Variants in WDR59 observed in about 807,000 individuals in gnomAD.
WDR59 encodes WD repeat domain 59.
In WDR59, 100 loss-of-function variants were observed where a neutral mutation model predicts 131.2. The ratio of observed to expected loss-of-function variants is 0.76; its 90% confidence interval spans 0.65 to 0.90. WDR59 has a LOEUF of 0.90. WDR59 is among the 40% of genes least tolerant of loss of function. The pLI is 0.00. For synonymous variants in WDR59, 601 were observed against 466.2 expected, an observed-to-expected ratio of 1.29 and a Z score of -3.72; for missense variants, 1,203 against 1,262.2, an observed-to-expected ratio of 0.95 and a Z score of 0.71.
intron 8 of WDR59, among the ~76,000 whole-genome samples, chr16:74,932,463 AC>A (rs2031473255): frequency 6.7e-6 from 1 of 148,586 alleles, no homozygotes; most frequent in African/African-American, 2.5e-5. Flanking sequence ...ACACACACAC[AC>A]ACAACTATCC....
chr16:74,970,246 CTA>C (rs1017560817), intron 1 of WDR59, among the ~76,000 whole-genome samples: 3 of 152,016 alleles, frequency 2.0e-5, no homozygotes, highest in African/African-American at 7.2e-5. Context: ...TTCCATTGGT[CTA>C]TATGTCTAGT....
At chr16:74,876,821 C>A (rs186773103) in intron 25 of WDR59, among the ~76,000 whole-genome samples, 1 of 152,116 alleles carries the variant, frequency 6.6e-6, no homozygotes, top group African/African-American at 2.4e-5. Context: ...CTTGCTGGTG[C>A]GTGCTTCCTC....
intron 1 of WDR59, among the ~76,000 whole-genome samples, chr16:74,971,751 TC>T (rs2033993465): frequency 6.6e-6 from 1 of 152,122 alleles, no homozygotes; most frequent in South Asian, 2.1e-4. Flanking sequence ...AGTGTCTCAC[TC>T]TGTCGCCAAG....
chr16:74,969,450 T>A (rs1481616377), intron 1 of WDR59, among the ~76,000 whole-genome samples: 1 of 152,018 alleles, frequency 6.6e-6, no homozygotes, highest in East Asian at 1.9e-4. Context: ...TTTTTTTATT[T>A]TTAGTAGAGA....
intron 1 of WDR59, among the ~76,000 whole-genome samples, chr16:74,968,353 A>T (rs1485733524): frequency 6.6e-6 from 1 of 152,240 alleles, no homozygotes; most frequent in Non-Finnish European, 1.5e-5. Context: ...GACCTGAGAC[A>T]GCATGTAGGA....
intron 1 of WDR59, among the ~76,000 whole-genome samples, chr16:74,975,099 AC>A (rs1388552057): frequency 6.6e-6 from 1 of 152,182 alleles, no homozygotes; most frequent in Non-Finnish European, 1.5e-5. Context: ...AGAGGCTCAC[AC>A]CTGTAATCCC....
chr16:74,937,084 T>A (rs2031858442), intron 8 of WDR59, among the ~76,000 whole-genome samples: 1 of 152,158 alleles, frequency 6.6e-6, no homozygotes, highest in Non-Finnish European at 1.5e-5. Context: ...ATTTCTGTGG[T>A]CAAACCCCTG....
chr16:74,954,317 A>T (rs2033171139), intron 3 of WDR59, among the ~76,000 whole-genome samples: 1 of 152,066 alleles, frequency 6.6e-6, no homozygotes, highest in South Asian at 2.1e-4. Context: ...CTGAGGCAGG[A>T]GAATCGCTTG....
intron 3 of WDR59, 56 bp from the exon 4 acceptor site, chr16:74,951,599 C>A: frequency 6.7e-7 from 1 of 1,481,902 alleles, no homozygotes; most frequent in East Asian, 2.4e-5. Flanking sequence ...ATGGTCTTGC[C>A]CCAATCAGCT....
At chr16:74,885,475 A>T (rs113367923) in intron 25 of WDR59, among the ~76,000 whole-genome samples, 178 bp downstream of exon 25, 2,315 of 148,580 alleles carry the variant, frequency 0.016, 55 homozygotes, top group African/African-American at 0.052. Context: ...AAAAAAAAAA[A>T]TTCATCCTGT....
intron 18 of WDR59, 178 bp from the exon 19 acceptor site, chr16:74,893,990 T>C: frequency 1.5e-6 from 1 of 682,124 alleles, no homozygotes; most frequent in East Asian, 2.8e-5. Context: ...GTTCCAAAAA[T>C]CCTAACAGGA....
At chr16:74,937,926 C>T (rs1489695011) in intron 8 of WDR59, among the ~76,000 whole-genome samples, 1 of 152,250 alleles carries the variant, frequency 6.6e-6, no homozygotes, top group Admixed American at 6.5e-5. Context: ...ACTCTGCCAT[C>T]ATAACACAAT....
Position 74,917,731 on chromosome 16 carries a change from C to T in WDR59, c.966+198G>A, listed in dbSNP as rs1426685986. 2.7e-5 allele frequency among the ~76,000 whole-genome samples: 4 copies of T among 149,202 alleles called. No homozygotes were observed. In the East Asian group the frequency reaches 7.9e-4, roughly 30 times the overall value. ...GGCTGACGCAGGAGAATCGCTTGAACCCGGGAGGCAGAGGTTGCAGTGAGC... is the reference window on the plus strand; with the variant it reads ...GGCTGACGCAGGAGAATCGCTTGAATCCGGGAGGCAGAGGTTGCAGTGAGC... On this transcript the variant is annotated intron_variant, in intron 11 of 25. Transcript: ENST00000262144.
At chr16:74,982,161 T>C (rs2034454155) in intron 1 of WDR59, among the ~76,000 whole-genome samples, 1 of 150,824 alleles carries the variant, frequency 6.6e-6, no homozygotes, top group Non-Finnish European at 1.5e-5. Context: ...AAAATTATTA[T>C]TTAAAAGATG....
At position 74,871,941 on chromosome 16, in the gene WDR59, A is replaced by C. The variant is rs1964018292; in HGVS notation, c.*2268T>G. The stretch of plus-strand genomic sequence containing the variant: ...GCACAGGATCTCAGTTCTTTCTTAC[A>C]TCCTGAAGTTTTGTGCCCAGTAACA... On this transcript the variant is annotated 3_prime_UTR_variant, in exon 26 of 26. Transcript: ENST00000262144. The C allele has an allele frequency of 6.6e-6, 1 of 152,210 alleles. No homozygotes were observed. 9.4% of individuals were successfully genotyped at this position (152,210 alleles called of 1,614,324 possible).
intron 20 of WDR59, 75 bp from the exon 21 acceptor site, chr16:74,889,890 T>C: frequency 8.8e-7 from 1 of 1,137,416 alleles, no homozygotes; most frequent in South Asian, 1.4e-5. Flanking sequence ...ATCCCACCTG[T>C]CTTCCATATA....
intron 15 of WDR59, 62 bp downstream of exon 15, chr16:74,909,760 G>C (rs1251327951): frequency 6.3e-7 from 1 of 1,583,494 alleles, no homozygotes; most frequent in Admixed American, 1.9e-5. Context: ...ATGATTTTAG[G>C]GAGAAAGAAA....
rs374214906 is a variant in WDR59, at chr16:74,948,476, C to G, written c.445+43G>C. 5 of 1,590,676 alleles carry G rather than the reference C, an allele frequency of 3.1e-6. No homozygotes were observed. The South Asian group carries it at 3.3e-5, about 11-fold the overall frequency. ...AGAACTGGAAGGAAGAAAATGAAGA[C>G]AAACCAAGGCGCCAGGGTGAGGTGG... is the stretch of plus-strand genomic sequence containing the variant. On this transcript the variant is annotated intron_variant, in intron 6 of 25. Coordinates refer to ENST00000262144, the MANE Select transcript of WDR59 (RefSeq NM_030581.4).
chr16:74,879,399 AC>A (rs1964375531), intron 25 of WDR59, among the ~76,000 whole-genome samples: 1 of 152,192 alleles, frequency 6.6e-6, no homozygotes, highest in Non-Finnish European at 1.5e-5. Context: ...TGACAGCATT[AC>A]CACCAGGAGA....
Sources: gnomAD v4.1 joint callset for allele counts (sites outside exome capture counted in the v4.1 genomes callset) on GRCh38, gnomAD v4.1.1 for gene constraint, MANE v1.5 for transcripts, NCBI Gene and HGNC (gene_info 2026-07-23, HGNC 2026-07-21) for gene names.